CCDC192: variants seen among roughly 807,000 people sequenced by gnomAD.
The protein encoded by CCDC192 is coiled-coil domain-containing protein 192.
chr5:127,918,943 A>C (rs532566676), intron 6 of CCDC192, among the ~76,000 whole-genome samples: 2 of 145,046 alleles, frequency 1.4e-5, no homozygotes, highest in Admixed American at 6.9e-5. Flanking sequence ...CTGTGTGTAT[A>C]TATGTGTATA....
intron 2 of CCDC192, among the ~76,000 whole-genome samples, chr5:127,731,932 A>G (rs1451402528): frequency 3.3e-5 from 5 of 152,224 alleles, no homozygotes; most frequent in Admixed American, 3.3e-4. Flanking sequence ...AATACCATTC[A>G]GGACACAGGC....
chr5:127,894,903 A>T (rs1184101944), intron 6 of CCDC192, among the ~76,000 whole-genome samples: 1 of 152,242 alleles, frequency 6.6e-6, no homozygotes, highest in Non-Finnish European at 1.5e-5. Flanking sequence ...ACCATTTAAC[A>T]ATCAAGAGAT....
At chr5:127,861,898 A>G (rs569668703) in intron 5 of CCDC192, among the ~76,000 whole-genome samples, 1 of 152,332 alleles carries the variant, frequency 6.6e-6, no homozygotes, top group African/African-American at 2.4e-5. Flanking sequence ...TTTGAAGCCT[A>G]TGAAAGTCAT....
At chr5:127,928,866 A>G (rs761923725) in intron 6 of CCDC192, among the ~76,000 whole-genome samples, 4 of 151,950 alleles carry the variant, frequency 2.6e-5, no homozygotes, top group South Asian at 4.1e-4. Flanking sequence ...CCCAGCTTCA[A>G]GCAATTCTCC....
intron 5 of CCDC192, among the ~76,000 whole-genome samples, chr5:127,867,025 A>G (rs908637486): frequency 5.9e-5 from 9 of 152,302 alleles, no homozygotes; most frequent in Admixed American, 5.9e-4. Flanking sequence ...CAGCTCTTGT[A>G]CTTCACTGAA....
In CCDC192 at chr5:127,786,609, C is replaced by T. The variant is rs564863047; in HGVS notation, c.223-10494C>T. On this transcript the variant is annotated intron_variant, in intron 3 of 6. Coordinates refer to ENST00000514853, the MANE Select transcript of CCDC192 (RefSeq NM_001317938.2). ...TTCCTTTCGTCCTTTGTCACATTCA[C>T]GGTGAACCCAGTGTCTACTGAGGTA... 407 of 744,450 alleles carry T rather than the reference C, an allele frequency of 5.5e-4. 3 individuals carry two copies. The highest frequency in any genetic ancestry group is 4.1e-3 in the South Asian group (299 of 72,064). The allele number at this position is 744,450 out of a possible 1,614,324, so 46.1% of individuals were successfully genotyped here.
At chr5:127,908,019 T>C (rs1380815920) in intron 6 of CCDC192, among the ~76,000 whole-genome samples, 7 of 152,246 alleles carry the variant, frequency 4.6e-5, no homozygotes, top group African/African-American at 1.7e-4. Context: ...GGGTTGGTAC[T>C]TTCTAAGACT....
intron 3 of CCDC192, among the ~76,000 whole-genome samples, chr5:127,787,412 A>C (rs534495361): frequency 6.6e-6 from 1 of 151,840 alleles, no homozygotes; most frequent in African/African-American, 2.4e-5. Flanking sequence ...TCGTCCCATA[A>C]GTTTTTGTAT....
intron 5 of CCDC192, among the ~76,000 whole-genome samples, chr5:127,837,825 TAAAATAC>T (rs1436342494): frequency 2.0e-5 from 3 of 151,950 alleles, no homozygotes. Context: ...TCATCTCTAG[TAAAATAC>T]AAAAAATTAG....
intron 5 of CCDC192, among the ~76,000 whole-genome samples, chr5:127,853,109 C>T (rs1750874697): frequency 6.6e-6 from 1 of 151,964 alleles, no homozygotes; most frequent in Admixed American, 6.6e-5. Context: ...ATTCTGCTAT[C>T]CCCATGCTGA....
intron 5 of CCDC192, among the ~76,000 whole-genome samples, chr5:127,861,998 G>A (rs1021863065): frequency 2.6e-5 from 4 of 152,176 alleles, no homozygotes; most frequent in Non-Finnish European, 5.9e-5. Context: ...AGGGAGTTGT[G>A]AGTGGGAAAT....
intron 5 of CCDC192, among the ~76,000 whole-genome samples, chr5:127,829,674 T>C (rs1196013161): frequency 6.6e-6 from 1 of 152,202 alleles, no homozygotes; most frequent in Non-Finnish European, 1.5e-5. Flanking sequence ...AACATCTTAG[T>C]GGGCTTTTAT....
At chr5:127,831,597 A>G (rs550439871) in intron 5 of CCDC192, among the ~76,000 whole-genome samples, 1 of 152,030 alleles carries the variant, frequency 6.6e-6, no homozygotes, top group Admixed American at 6.6e-5. Context: ...GGAGGTATTA[A>G]TCACTGGTTA....
intron 3 of CCDC192, among the ~76,000 whole-genome samples, 198 bp downstream of exon 3, chr5:127,754,573 G>C (rs1342034597): frequency 6.7e-6 from 1 of 150,222 alleles, no homozygotes; most frequent in African/African-American, 2.5e-5. Flanking sequence ...AGACATAACA[G>C]TGCTTACTTT....
intron 6 of CCDC192, among the ~76,000 whole-genome samples, chr5:127,931,609 GA>G (rs1193105357): frequency 6.6e-6 from 1 of 152,268 alleles, no homozygotes; most frequent in African/African-American, 2.4e-5. Flanking sequence ...CAGGTCAGCA[GA>G]AATTCACTTG....
intron 5 of CCDC192, among the ~76,000 whole-genome samples, chr5:127,812,374 G>A (rs577407229): frequency 6.6e-6 from 1 of 152,276 alleles, no homozygotes; most frequent in African/African-American, 2.4e-5. Flanking sequence ...ATTATTGTGA[G>A]AATTAAATGG....
At chr5:127,729,231 G>T (rs1235750891) in intron 2 of CCDC192, among the ~76,000 whole-genome samples, 1 of 152,152 alleles carries the variant, frequency 6.6e-6, no homozygotes, top group Non-Finnish European at 1.5e-5. Context: ...TGACAAAACA[G>T]ACCTTAAGCC....
intron 5 of CCDC192, among the ~76,000 whole-genome samples, chr5:127,798,562 T>C (rs1348776839): frequency 6.6e-6 from 1 of 152,122 alleles, no homozygotes; most frequent in Non-Finnish European, 1.5e-5. Context: ...AATCACCTGA[T>C]AGCTTCTTAA....
At chr5:127,758,108 C>T (rs955119844) in intron 3 of CCDC192, among the ~76,000 whole-genome samples, 1 of 152,032 alleles carries the variant, frequency 6.6e-6, no homozygotes, top group Admixed American at 6.6e-5. Flanking sequence ...GGGTTAATCT[C>T]ACTGTTATTC....
Sources: gnomAD v4.1 joint callset for allele counts (sites outside exome capture counted in the v4.1 genomes callset) on GRCh38, gnomAD v4.1.1 for gene constraint, MANE v1.5 for transcripts, NCBI Gene and HGNC (gene_info 2026-07-23, HGNC 2026-07-21) for gene names.